KDM3B: variants seen among roughly 807,000 people sequenced by gnomAD.
The protein encoded by KDM3B is lysine demethylase 3B.
KDM3B carries 10 observed loss-of-function variants against 170.0 expected under a neutral mutation model. That is an observed-to-expected ratio of 0.06 (90% confidence interval 0.04 to 0.10). The LOEUF (loss-of-function observed/expected upper bound fraction) is 0.10, where lower values mean the gene tolerates loss of function less well. Ranked by LOEUF, KDM3B falls within the 10% of genes least tolerant of loss-of-function variation. KDM3B has a pLI of 1.00. For missense variants in KDM3B, 1,394 were observed against 2,195.2 expected (o/e 0.64, Z 7.29); for synonymous variants, 831 against 834.8 (o/e 1.00, Z 0.08).
chr5:138,406,299 T>G (rs1234185161), intron 11 of KDM3B, among the ~76,000 whole-genome samples: 1 of 152,162 alleles, frequency 6.6e-6, no homozygotes, highest in Non-Finnish European at 1.5e-5. Context: ...GAGCCATGAT[T>G]GCACCACTGC....
Position 138,381,578 on chromosome 5 carries a change from G to T in KDM3B, c.768G>T (p.Ala256=), listed in dbSNP as rs1238482360. ...LIHVMLMDNS[A]PQSEGGTLKA... ...ATGTGATGCTGATGGATAATTCAGCGCCTCAAAGCGAGGTACAGTAATGGA... is the reference window on the plus strand; with the variant it reads ...ATGTGATGCTGATGGATAATTCAGCTCCTCAAAGCGAGGTACAGTAATGGA... The change falls in exon 6 of 24, where the codon GCG becomes GCT. Residue 256 remains alanine, a synonymous_variant. Coordinates refer to ENST00000314358, the MANE Select transcript of KDM3B (RefSeq NM_016604.4). 1 of 1,595,384 alleles carries T rather than the reference G, an allele frequency of 6.3e-7. No homozygotes were observed. Among genetic ancestry groups the T allele is most frequent in the African/African-American group, 1.3e-5 (1 of 74,814 alleles).
intron 22 of KDM3B, 120 bp downstream of exon 22, chr5:138,430,545 A>G (rs1419124584): frequency 9.0e-6 from 8 of 889,780 alleles, no homozygotes; most frequent in Non-Finnish European, 1.7e-6. Flanking sequence ...TTATGCTGCA[A>G]CTTATTTTAT....
At chr5:138,378,795 A>G (rs983694639) in intron 4 of KDM3B, among the ~76,000 whole-genome samples, 24 of 144,270 alleles carry the variant, frequency 1.7e-4, no homozygotes, top group African/African-American at 3.0e-4. Context: ...TAGATTATAT[A>G]TATCATGATA....
intron 8 of KDM3B, 32 bp from the exon 9 acceptor site, chr5:138,393,139 G>C: frequency 6.2e-7 from 1 of 1,607,100 alleles, no homozygotes; most frequent in Non-Finnish European, 8.5e-7. Context: ...TACACCTCAT[G>C]ACAAACTTTT....
chr5:138,360,885 C>A (rs1326868191), intron 1 of KDM3B, among the ~76,000 whole-genome samples: 2 of 152,182 alleles, frequency 1.3e-5, no homozygotes, highest in African/African-American at 4.8e-5. Context: ...AGCCACCACG[C>A]CCGGCCATTA....
chr5:138,426,810 C>T lies in KDM3B; in HGVS notation c.4412-165C>T, dbSNP rs994329048. The T allele has an allele frequency of 1.1e-5, 6 of 549,970 alleles. No individual in the cohort carries two copies. In the Admixed American group the frequency reaches 1.8e-4, roughly 17 times the overall value. The allele number at this position is 549,970 out of a possible 1,614,324, so 34.1% of individuals were successfully genotyped here. ...GGGAGAATCGCTTGAACCCGGGAGG[C>T]CAAGATCATGCCACTGCACTGCAGC... On this transcript the variant is annotated intron_variant, in intron 17 of 23. Coordinates refer to ENST00000314358, the MANE Select transcript of KDM3B (RefSeq NM_016604.4).
chr5:138,362,672 T>A (rs1452188662), intron 1 of KDM3B, among the ~76,000 whole-genome samples: 1 of 150,002 alleles, frequency 6.7e-6, no homozygotes, highest in Non-Finnish European at 1.5e-5. Flanking sequence ...TTCTATGGTT[T>A]TGTTATATAA....
chr5:138,413,375 T>TC (rs1763022976), intron 11 of KDM3B, among the ~76,000 whole-genome samples: 1 of 148,632 alleles, frequency 6.7e-6, no homozygotes, highest in Non-Finnish European at 1.5e-5. Flanking sequence ...AAAGCGAGAC[T>TC]CCATCTCAAA....
At chr5:138,353,916 G>T (rs1045032291) in intron 1 of KDM3B, among the ~76,000 whole-genome samples, 1 of 152,112 alleles carries the variant, frequency 6.6e-6, no homozygotes, top group African/African-American at 2.4e-5. Context: ...TTTGATAGGG[G>T]CCCTAGCTTC....
intron 7 of KDM3B, among the ~76,000 whole-genome samples, chr5:138,388,799 G>A (rs1383776140): frequency 3.9e-5 from 6 of 152,172 alleles, no homozygotes; most frequent in African/African-American, 7.2e-5. Context: ...GTGACAGAGC[G>A]AGACTCCGTC....
At position 138,420,764 on chromosome 5, in the gene KDM3B, C is replaced by T. The variant is rs1413874356; in HGVS notation, c.3774C>T (p.Asp1258=). 1 of 1,614,120 alleles carries T rather than the reference C, an allele frequency of 6.2e-7. No individual in the cohort carries two copies. The highest frequency in any genetic ancestry group is 1.1e-5 in the South Asian group (1 of 91,080). Residue 1258 remains aspartate, a synonymous_variant, in exon 15 of 24, where the codon GAC becomes GAT. Transcript: ENST00000314358. ...NKESHSPFGL[D]SFNSTAKVSP... Reference sequence around the variant, plus strand: ...AGTCTCATTCACCCTTTGGGCTGGACTCGTTCAACTCCACTGCAAAGGTCT... The same window carrying T: ...AGTCTCATTCACCCTTTGGGCTGGATTCGTTCAACTCCACTGCAAAGGTCT...
At chr5:138,420,625 A>G in intron 14 of KDM3B, 81 bp from the exon 15 acceptor site, 4 of 1,467,230 alleles carry the variant, frequency 2.7e-6, no homozygotes, top group South Asian at 2.3e-5. Context: ...CCTCCTTCCC[A>G]TGTGACTGAT....
At chr5:138,378,379 G>A (rs1762049982) in intron 4 of KDM3B, among the ~76,000 whole-genome samples, 1 of 152,120 alleles carries the variant, frequency 6.6e-6, no homozygotes. Flanking sequence ...ACACCTTGGA[G>A]TGCAAGGTAT....
chr5:138,383,071 A>G (rs1762165849), intron 6 of KDM3B, among the ~76,000 whole-genome samples: 2 of 152,218 alleles, frequency 1.3e-5, no homozygotes, highest in Non-Finnish European at 2.9e-5. Flanking sequence ...AGGGACTGGT[A>G]GTATGTTGCT....
chr5:138,419,760 CACACACAT>C lies in KDM3B; in HGVS notation c.3715+530_3715+537del, dbSNP rs1273114988. Among the ~76,000 whole-genome samples, 901 of 131,304 alleles carry C rather than the reference CACACACAT, an allele frequency of 6.9e-3. 1 individual carries two copies. Among genetic ancestry groups the C allele is most frequent in the Non-Finnish European group, 0.011 (635 of 59,414 alleles). The allele number at this position is 131,304 out of a possible 152,430, so 86.1% of individuals were successfully genotyped here. Reference sequence around the variant, plus strand: ...ACACACACACACACACACACACACACACACACATATATATGAGGGACTACCTTTCAACT... The same window carrying C: ...ACACACACACACACACACACACACACATATATGAGGGACTACCTTTCAACT... On this transcript the variant is annotated intron_variant, in intron 14 of 23. Coordinates refer to ENST00000314358, the MANE Select transcript of KDM3B (RefSeq NM_016604.4).
chr5:138,425,444 A>C lies in KDM3B; in HGVS notation c.4273A>C (p.Lys1425Gln). Reference sequence around the variant, plus strand: ...GGTTTCGGGGGTACATAAAAAGCTCAAGTCTGAGCTCTGGAAGCCAGAAGC... The same window carrying C: ...GGTTTCGGGGGTACATAAAAAGCTCCAGTCTGAGCTCTGGAAGCCAGAAGC... ...VLVSGVHKKL[K>Q]SELWKPEAFS... is the part of the protein sequence containing the mutation. Residue 1425 changes from lysine (K) to glutamine (Q), a missense_variant, in exon 17 of 24, where the codon AAG (lysine) becomes CAG (glutamine). Around this residue, in one of 19 missense-constraint regions of KDM3B, gnomAD observed 66 missense variants for 178.8 expected, o/e 0.37. Coordinates refer to ENST00000314358, the MANE Select transcript of KDM3B (RefSeq NM_016604.4). 6.2e-7 allele frequency: 1 copy of C among 1,614,028 alleles called. No homozygotes were observed. Among genetic ancestry groups the C allele is most frequent in the Non-Finnish European group, 8.5e-7 (1 of 1,179,978 alleles).
At chr5:138,410,632 C>A (rs894094424) in intron 11 of KDM3B, among the ~76,000 whole-genome samples, 1 of 152,176 alleles carries the variant, frequency 6.6e-6, no homozygotes, top group Non-Finnish European at 1.5e-5. Flanking sequence ...ACCACTACCA[C>A]CAATGCACGG....
intron 6 of KDM3B, among the ~76,000 whole-genome samples, chr5:138,384,507 G>A (rs1046022087): frequency 3.9e-5 from 6 of 152,016 alleles, no homozygotes; most frequent in African/African-American, 1.4e-4. Flanking sequence ...GGAGGCTGAG[G>A]TGGGTAGATT....
intron 16 of KDM3B, 58 bp from the exon 17 acceptor site, chr5:138,425,353 C>A: frequency 6.5e-7 from 1 of 1,550,128 alleles, no homozygotes; most frequent in Non-Finnish European, 8.8e-7. Flanking sequence ...TCTGTCTCAG[C>A]CCTAGAGCTG....
Sources: gnomAD v4.1 joint callset for allele counts (sites outside exome capture counted in the v4.1 genomes callset) on GRCh38, gnomAD v4.1.1 for gene constraint, gnomAD v4.1.1 regional missense constraint, MANE v1.5 for transcripts, NCBI Gene and HGNC (gene_info 2026-07-23, HGNC 2026-07-21) for gene names.